B3GALT1: variants seen among roughly 807,000 people sequenced by gnomAD.
The protein encoded by B3GALT1 is UDP-Gal:betaGlcNAc beta 1,3-galactosyltransferase, polypeptide 1.
Under a neutral mutation model 23.2 loss-of-function variants are expected in B3GALT1, and 10 were observed. The ratio of observed to expected loss-of-function variants is 0.43; its 90% CI spans 0.27 to 0.73. The LOEUF (loss-of-function observed/expected upper bound fraction) is 0.73. Among genes scored for constraint, B3GALT1 ranks in the 30% least tolerant of loss-of-function variants. The pLI, the probability that B3GALT1 is intolerant of heterozygous loss-of-function variation, is 0.21. For synonymous variants in B3GALT1, 156 were observed against 141.5 expected, an observed-to-expected ratio of 1.10 and a Z score of -0.73; for missense variants, 299 against 405.4, an observed-to-expected ratio of 0.74 and a Z score of 2.25.
chr2:167,448,329 G>A (rs1409447165), intron 1 of B3GALT1, among the ~76,000 whole-genome samples: 1 of 152,006 alleles, frequency 6.6e-6, no homozygotes. Context: ...CAGGAGTAAG[G>A]TGGTATTACA....
chr2:167,798,888 A>G (rs774521511), intron 3 of B3GALT1, among the ~76,000 whole-genome samples: 3 of 152,178 alleles, frequency 2.0e-5, no homozygotes, highest in Non-Finnish European at 4.4e-5. Context: ...CAGATTGTCT[A>G]TATTTCTGAC....
chr2:167,444,358 G>A (rs1331838594), intron 1 of B3GALT1, among the ~76,000 whole-genome samples: 1 of 152,168 alleles, frequency 6.6e-6, no homozygotes, highest in East Asian at 1.9e-4. Flanking sequence ...CCAGGCTTTG[G>A]TATCAGGATG....
chr2:167,664,370 T>C (rs1686132478), intron 3 of B3GALT1, among the ~76,000 whole-genome samples: 1 of 151,574 alleles, frequency 6.6e-6, no homozygotes, highest in Non-Finnish European at 1.5e-5. Context: ...TGTAGCTTTG[T>C]AGTATAGTTT....
chr2:167,495,816 C>G (rs867626558), intron 2 of B3GALT1, among the ~76,000 whole-genome samples: 1 of 151,990 alleles, frequency 6.6e-6, no homozygotes, highest in Non-Finnish European at 1.5e-5. Flanking sequence ...ATCAATGTTT[C>G]GTATGGTGAA....
chr2:167,769,313 C>A (rs997495143), intron 3 of B3GALT1, among the ~76,000 whole-genome samples: 1 of 152,172 alleles, frequency 6.6e-6, no homozygotes, highest in African/African-American at 2.4e-5. Context: ...CCTCCAAACA[C>A]CTTCCATGCT....
chr2:167,361,999 G>A (rs921476116), intron 1 of B3GALT1, among the ~76,000 whole-genome samples: 6 of 152,052 alleles, frequency 3.9e-5, no homozygotes, highest in African/African-American at 9.7e-5. Context: ...GATTGAACCC[G>A]GGAGGCGGAG....
At chr2:167,730,700 A>C (rs1687397195) in intron 3 of B3GALT1, among the ~76,000 whole-genome samples, 1 of 152,124 alleles carries the variant, frequency 6.6e-6, no homozygotes, top group African/African-American at 2.4e-5. Context: ...CCAATGGCAA[A>C]TATTATTATT....
chr2:167,726,074 G>A (rs911109480), intron 3 of B3GALT1, among the ~76,000 whole-genome samples: 1 of 152,090 alleles, frequency 6.6e-6, no homozygotes, highest in Admixed American at 6.6e-5. Flanking sequence ...AAATCAGTTC[G>A]ATAAGTCTGA....
chr2:167,555,949 C>T (rs1683841142), intron 2 of B3GALT1, among the ~76,000 whole-genome samples: 1 of 152,156 alleles, frequency 6.6e-6, no homozygotes, highest in Admixed American at 6.5e-5. Flanking sequence ...TGAATACATG[C>T]CTCACCATTC....
At chr2:167,331,548 T>C (rs1305637900) in intron 1 of B3GALT1, among the ~76,000 whole-genome samples, 1 of 152,136 alleles carries the variant, frequency 6.6e-6, no homozygotes, top group African/African-American at 2.4e-5. Flanking sequence ...GGGTGCCAGC[T>C]GTAATAGTTG....
At chr2:167,592,965 C>A (rs1470361679) in intron 2 of B3GALT1, among the ~76,000 whole-genome samples, 1 of 152,156 alleles carries the variant, frequency 6.6e-6, no homozygotes, top group Non-Finnish European at 1.5e-5. Context: ...GAAGTCATGT[C>A]ACCTATCAAA....
At chr2:167,840,684 C>G (rs1487733121) in intron 4 of B3GALT1, among the ~76,000 whole-genome samples, 1 of 151,644 alleles carries the variant, frequency 6.6e-6, no homozygotes, top group African/African-American at 2.4e-5. Flanking sequence ...GGCTATATAC[C>G]CAAAGGATTA....
chr2:167,702,298 C>T (rs1686892509), intron 3 of B3GALT1, among the ~76,000 whole-genome samples: 1 of 152,162 alleles, frequency 6.6e-6, no homozygotes, highest in Admixed American at 6.5e-5. Flanking sequence ...CAGAGTCATT[C>T]CTATACCTGC....
rs1401519755 is a variant in B3GALT1 at position 167,293,103 on chromosome 2, C to CCGA, written c.-741_-740insGAC. The CCGA allele has an allele frequency of 1.3e-5, 2 of 151,110 alleles. No homozygotes were observed. The highest frequency in any genetic ancestry group is 4.8e-5 in the African/African-American group (2 of 41,326). The allele number at this position is 151,110 out of a possible 1,614,324, so 9.4% of individuals were successfully genotyped here. ...CGAGCTCGCGCGGGCGCCGCCGCCG[C>CCGA]CTCTGCTGCTGCCCACCCCGCCGCG... On this transcript the variant is annotated 5_prime_UTR_variant, in exon 1 of 5. Coordinates refer to ENST00000392690, the MANE Select transcript of B3GALT1 (RefSeq NM_020981.4).
intron 2 of B3GALT1, among the ~76,000 whole-genome samples, chr2:167,522,495 C>T (rs1700205077): frequency 6.6e-6 from 1 of 152,042 alleles, no homozygotes; most frequent in Non-Finnish European, 1.5e-5. Context: ...TTTTCTCTTG[C>T]CAATATCCGA....
At chr2:167,417,043 C>G (rs1698482882) in intron 1 of B3GALT1, among the ~76,000 whole-genome samples, 1 of 151,982 alleles carries the variant, frequency 6.6e-6, no homozygotes, top group African/African-American at 2.4e-5. Flanking sequence ...GACTTTCAGG[C>G]TATGGGGATG....
chr2:167,666,649 A>G (rs187851805), intron 3 of B3GALT1, among the ~76,000 whole-genome samples: 31 of 152,136 alleles, frequency 2.0e-4, no homozygotes, highest in African/African-American at 7.0e-4. Flanking sequence ...TTGGGTGCAT[A>G]TATATTTGGG....
At chr2:167,294,253 C>G (rs1033479718) in intron 1 of B3GALT1, among the ~76,000 whole-genome samples, 1 of 152,230 alleles carries the variant, frequency 6.6e-6, no homozygotes, top group African/African-American at 2.4e-5. Flanking sequence ...TGCCAAATGC[C>G]TGGCGGCTCC....
intron 2 of B3GALT1, among the ~76,000 whole-genome samples, chr2:167,616,793 G>T (rs1685169512): frequency 6.6e-6 from 1 of 151,996 alleles, no homozygotes; most frequent in Non-Finnish European, 1.5e-5. Context: ...AAACTTTCTT[G>T]TATTTTCTGG....
Sources: allele counts gnomAD v4.1 joint callset (sites outside exome capture counted in the v4.1 genomes callset), GRCh38; gene constraint gnomAD v4.1.1; transcripts MANE v1.5; gene names NCBI Gene and HGNC (gene_info 2026-07-23, HGNC 2026-07-21).